Variants in ST8SIA3 observed in about 807,000 individuals in gnomAD.
The protein encoded by ST8SIA3 is ST8 alpha-N-acetyl-neuraminide alpha-2,8-sialyltransferase 3.
In ST8SIA3, 17 loss-of-function variants were observed where a neutral mutation model predicts 34.5. The observed-to-expected ratio is 0.49, with a 90% confidence interval of 0.34 to 0.74. ST8SIA3 has a LOEUF of 0.74. Ranked by LOEUF, ST8SIA3 falls within the 30% of genes least tolerant of loss-of-function variation. ST8SIA3 has a pLI of 0.01. For missense variants in ST8SIA3, 354 were observed against 467.8 expected, an observed-to-expected ratio of 0.76 and a Z score of 2.24; for synonymous variants, 172 against 176.1, an observed-to-expected ratio of 0.98 and a Z score of 0.19.
At chr18:57,359,165 A>C (rs1228748761) in intron 3 of ST8SIA3, among the ~76,000 whole-genome samples, 1 of 152,216 alleles carries the variant, frequency 6.6e-6, no homozygotes, top group African/African-American at 2.4e-5. Context: ...ACTAATGCAC[A>C]GTTTCATTCT....
Position 57,360,370 on chromosome 18 carries a change from T to C in ST8SIA3, c.*93T>C, listed in dbSNP as rs2049823852. 1 of 1,240,176 alleles carries C rather than the reference T, an allele frequency of 8.1e-7. No individual in the cohort carries two copies. Among genetic ancestry groups the C allele is most frequent in the East Asian group, 2.5e-5 (1 of 39,722 alleles). The allele number at this position is 1,240,176 out of a possible 1,614,324, so 76.8% of individuals were successfully genotyped here. A position where few individuals can be genotyped will look rare whatever the true frequency, so the allele number is the denominator to read the frequency against. ...GAATAGAACCCTAGAGAATGTCTTA[T>C]AAGGATTGTCTGCCATTTAAAAGGA... On this transcript the variant is annotated 3_prime_UTR_variant, in exon 4 of 4. Transcript: ENST00000324000.
rs2049853615 is a variant in ST8SIA3 at position 57,365,179 on chromosome 18, T to G, written c.*4902T>G. The G allele has an allele frequency of 6.6e-6, 1 of 152,216 alleles. No homozygotes were observed. Among genetic ancestry groups the G allele is most frequent in the Non-Finnish European group, 1.5e-5 (1 of 68,044 alleles). 9.4% of individuals were successfully genotyped at this position (152,216 alleles called of 1,614,324 possible). A position where few individuals can be genotyped will look rare whatever the true frequency, so the allele number is the denominator to read the frequency against. Reference sequence around the variant, plus strand: ...CAACTTACAAAGATTCCCAGGTGATTCGTGTGACCACCATTTGGAAACCAG... The same window carrying G: ...CAACTTACAAAGATTCCCAGGTGATGCGTGTGACCACCATTTGGAAACCAG... On this transcript the variant is annotated 3_prime_UTR_variant, in exon 4 of 4. Coordinates refer to ENST00000324000, the MANE Select transcript of ST8SIA3 (RefSeq NM_015879.3).
intron 3 of ST8SIA3, among the ~76,000 whole-genome samples, chr18:57,359,091 C>T (rs994211278): frequency 6.6e-6 from 1 of 151,994 alleles, no homozygotes; most frequent in Admixed American, 6.6e-5. Context: ...CTTAGCCACT[C>T]GGGCCTCAAA....
Sources: gnomAD v4.1 joint callset for allele counts (sites outside exome capture counted in the v4.1 genomes callset) on GRCh38, gnomAD v4.1.1 for gene constraint, MANE v1.5 for transcripts, NCBI Gene and HGNC (gene_info 2026-07-23, HGNC 2026-07-21) for gene names.